NWD1: variants seen among roughly 807,000 people sequenced by gnomAD.
NWD1 encodes the protein NACHT domain- and WD repeat-containing protein 1.
NWD1 carries 129 observed loss-of-function variants against 135.1 expected under a neutral mutation model. The ratio of observed to expected loss-of-function variants is 0.96; its 90% confidence interval spans 0.83 to 1.11. The LOEUF (loss-of-function observed/expected upper bound fraction) is 1.11. NWD1 is among the 50% of genes least tolerant of loss of function. NWD1 has a pLI of 0.00. For missense variants in NWD1, 1,740 were observed against 1,851.3 expected, an observed-to-expected ratio of 0.94 and a Z score of 1.10; for synonymous variants, 773 against 786.0, an observed-to-expected ratio of 0.98 and a Z score of 0.28.
Position 16,744,434 on chromosome 19 carries a change from A to G in NWD1, c.212A>G (p.Asp71Gly), listed in dbSNP as rs1434730044. Reference sequence around the variant, plus strand: ...CCTCTCTGCCAGGCCCTCATCGGTGATCAGTACGGCCCCTGTCTGATTCCC... The same window carrying G: ...CCTCTCTGCCAGGCCCTCATCGGTGGTCAGTACGGCCCCTGTCTGATTCCC... ...IGPAFVALIG[D>G]QYGPCLIPSR... is the part of the protein sequence containing the mutation. The change falls in exon 5 of 19, where the codon GAT becomes GGT. Residue 71 changes from aspartate to glycine, a missense_variant. Coordinates refer to ENST00000524140, the MANE Select transcript of NWD1 (RefSeq NM_001007525.5). 2.6e-6 allele frequency: 4 copies of G among 1,535,598 alleles called. No individual in the cohort carries two copies. Among genetic ancestry groups the G allele is most frequent in the Admixed American group, 2.0e-5 (1 of 50,950 alleles).
intron 18 of NWD1, chr19:16,812,606 T>C (rs1050477691): frequency 1.9e-5 from 12 of 639,256 alleles, no homozygotes; most frequent in Non-Finnish European, 3.4e-5. Context: ...GAGGTGGAGG[T>C]TGCAGTGAGC....
chr19:16,788,561 C>T (rs916998479), intron 12 of NWD1, among the ~76,000 whole-genome samples: 6 of 123,110 alleles, frequency 4.9e-5, no homozygotes, highest in South Asian at 2.5e-4. Context: ...AGAGAGAGTC[C>T]GTCAAAAAAA....
intron 6 of NWD1, among the ~76,000 whole-genome samples, chr19:16,752,902 G>A (rs1342872685): frequency 6.6e-6 from 1 of 152,214 alleles, no homozygotes; most frequent in Admixed American, 6.5e-5. Flanking sequence ...GGGAGGCTGA[G>A]GCAGGAGGAT....
At chr19:16,748,459 G>A (rs1269599450) in intron 5 of NWD1, among the ~76,000 whole-genome samples, 1 of 152,130 alleles carries the variant, frequency 6.6e-6, no homozygotes, top group Non-Finnish European at 1.5e-5. Flanking sequence ...GAGGATGACA[G>A]CATTGTTTTA....
intron 5 of NWD1, among the ~76,000 whole-genome samples, chr19:16,747,381 ATTT>A (rs1451799943): frequency 2.3e-5 from 3 of 128,348 alleles, no homozygotes; most frequent in African/African-American, 3.6e-5. Context: ...TTATTTATTT[ATTT>A]AATTTTTTTT....
Position 16,749,838 on chromosome 19 carries a change from T to C in NWD1, c.1196T>C (p.Leu399Pro). The C allele has an allele frequency of 6.2e-7, 1 of 1,611,490 alleles. No homozygotes were observed. The highest frequency in any genetic ancestry group is 8.5e-7 in the Non-Finnish European group (1 of 1,178,870). The change falls in exon 6 of 19, where the codon CTG (leucine) becomes CCG (proline). Residue 399 changes from leucine to proline, a missense_variant. Leu to Pro is a moderately conservative substitution (Grantham distance 98). Coordinates refer to ENST00000524140, the MANE Select transcript of NWD1 (RefSeq NM_001007525.5). ...ICFQVCLAYG[L>P]PLPPAQVLDA... The stretch of plus-strand genomic sequence containing the variant: ...TTCCAGGTGTGCCTGGCCTATGGGC[T>C]GCCCTTGCCCCCTGCCCAGGTTCTG...
chr19:16,755,147 T>C (rs927752044), intron 6 of NWD1, among the ~76,000 whole-genome samples: 11 of 152,172 alleles, frequency 7.2e-5, no homozygotes, highest in Non-Finnish European at 1.0e-4. Flanking sequence ...TTATAATCAA[T>C]CAATAAATCT....
Position 16,799,889 on chromosome 19 carries a change from T to C in NWD1, c.3463T>C (p.Trp1155Arg). Residue 1155 changes from tryptophan (W) to arginine (R), a missense_variant, in exon 17 of 19, where the codon TGG becomes CGG. Trp to Arg is a moderately radical substitution (Grantham distance 101). Coordinates refer to ENST00000524140, the MANE Select transcript of NWD1 (RefSeq NM_001007525.5). ...CCCTCCTGTTCTGCTTCCTCAGGTG[T>C]GGAGTCTGTCAGAACAGGGGACCCT... ...TGSLDALIQV[W>R]SLSEQGTLLD... is the part of the protein sequence containing the mutation. 6.2e-7 allele frequency: 1 copy of C among 1,603,368 alleles called. No homozygotes were observed. Among genetic ancestry groups the C allele is most frequent in the Non-Finnish European group, 8.5e-7 (1 of 1,174,046 alleles).
chr19:16,759,545 A>G (rs1968930412), intron 7 of NWD1, 117 bp downstream of exon 7: 1 of 743,652 alleles, frequency 1.3e-6, no homozygotes, highest in African/African-American at 1.7e-5. Context: ...CAGGGAATCA[A>G]GTCCAGTTAG....
At chr19:16,805,759 A>C (rs904874785) in intron 17 of NWD1, among the ~76,000 whole-genome samples, 1 of 152,186 alleles carries the variant, frequency 6.6e-6, no homozygotes, top group Admixed American at 6.5e-5. Context: ...TACTCTAAAA[A>C]TGTTTGCCAA....
chr19:16,772,157 G>A (rs1190609232), intron 10 of NWD1, among the ~76,000 whole-genome samples: 2 of 152,116 alleles, frequency 1.3e-5, no homozygotes, highest in Non-Finnish European at 2.9e-5. Flanking sequence ...CTTGAGCCCA[G>A]AAGTTTGAGA....
In NWD1 at chr19:16,788,881, T is replaced by C. The variant is rs1419726292; in HGVS notation, c.2732-101T>C. 3.8e-6 allele frequency: 3 copies of C among 789,076 alleles called. No homozygotes were observed. In the East Asian group the frequency reaches 7.3e-5, roughly 19 times the overall value. 48.9% of individuals were successfully genotyped at this position (789,076 alleles called of 1,614,324 possible). On this transcript the variant is annotated intron_variant, in intron 12 of 18. Transcript: ENST00000524140. ...ACAATTCAATTCCATCCATCTTTTC[T>C]TTGGTAAATGAGGGTATTTCCAAGC...
intron 11 of NWD1, among the ~76,000 whole-genome samples, chr19:16,775,210 G>A (rs78732370): frequency 0.045 from 6,849 of 152,164 alleles, 195 homozygotes; most frequent in African/African-American, 0.084. Flanking sequence ...TTTAGGGGCA[G>A]CCACTAGAAT....
intron 10 of NWD1, among the ~76,000 whole-genome samples, chr19:16,771,256 A>G (rs1336247283): frequency 6.6e-6 from 1 of 152,200 alleles, no homozygotes; most frequent in African/African-American, 2.4e-5. Context: ...GTTTGAGACC[A>G]GCCTTGGTGA....
chr19:16,797,623 C>A, intron 15 of NWD1, 109 bp from the exon 16 acceptor site: 4 of 1,014,108 alleles, frequency 3.9e-6, no homozygotes, highest in Non-Finnish European at 5.9e-6. Flanking sequence ...GCTGGGATTA[C>A]AGGCATGAAC....
At chr19:16,735,068 G>A (rs1248919716) in intron 3 of NWD1, among the ~76,000 whole-genome samples, 1 of 151,974 alleles carries the variant, frequency 6.6e-6, no homozygotes, top group African/African-American at 2.4e-5. Flanking sequence ...CCGACTAAAT[G>A]TTTATAAATA....
At chr19:16,795,138 AG>A (rs907868717) in intron 15 of NWD1, among the ~76,000 whole-genome samples, 9 of 152,336 alleles carry the variant, frequency 5.9e-5, no homozygotes, top group East Asian at 3.9e-4. Flanking sequence ...AGCTGGGAGC[AG>A]GGGGCACCCC....
At chr19:16,725,655 C>T (rs1000797758) in intron 2 of NWD1, among the ~76,000 whole-genome samples, 4 of 151,052 alleles carry the variant, frequency 2.6e-5, no homozygotes, top group East Asian at 2.0e-4. Flanking sequence ...CAGGTTCAAG[C>T]GATGCTTCCG....
intron 7 of NWD1, 32 bp downstream of exon 7, chr19:16,759,460 T>C: frequency 6.7e-7 from 1 of 1,486,974 alleles, no homozygotes; most frequent in Non-Finnish European, 9.1e-7. Flanking sequence ...AGCGACACTG[T>C]CTGGGTGGGA....
Sources: allele counts gnomAD v4.1 joint callset (sites outside exome capture counted in the v4.1 genomes callset), GRCh38; gene constraint gnomAD v4.1.1; transcripts MANE v1.5; gene names NCBI Gene and HGNC (gene_info 2026-07-23, HGNC 2026-07-21).